Variants in FGD4 observed in about 807,000 individuals in gnomAD.
FGD4 encodes the protein FYVE, RhoGEF and PH domain containing 4, also known as FYVE, RhoGEF and PH domain-containing protein 4.
Under a neutral mutation model 102.0 loss-of-function variants are expected in FGD4, and 42 were observed. That is an observed-to-expected ratio of 0.41 (90% confidence interval 0.32 to 0.53). The LOEUF is 0.53. Ranked by LOEUF, FGD4 falls within the 20% of genes least tolerant of loss-of-function variation. The pLI is 0.21. For missense variants in FGD4, 902 were observed against 1,078.2 expected (o/e 0.84, Z 2.29); for synonymous variants, 380 against 375.7 (o/e 1.01, Z -0.13).
At chr12:32,410,352 G>A (rs1347997495) in intron 1 of FGD4, among the ~76,000 whole-genome samples, 1 of 151,908 alleles carries the variant, frequency 6.6e-6, no homozygotes, top group African/African-American at 2.4e-5. Flanking sequence ...TGCCAGTATG[G>A]CCCGTAGTCT....
At chr12:32,489,317 G>T (rs1403372911) in intron 1 of FGD4, among the ~76,000 whole-genome samples, 1 of 152,176 alleles carries the variant, frequency 6.6e-6, no homozygotes, top group Non-Finnish European at 1.5e-5. Context: ...TAGTATTAGA[G>T]CTGACAGCTG....
Position 32,611,237 on chromosome 12 carries a change from A to T in FGD4, c.1703A>T (p.Lys568Ile), listed in dbSNP as rs1415921025. The stretch of plus-strand genomic sequence containing the variant: ...CTAATAAAAGAAGGACAGATCCTCA[A>T]ACTAGCTGCTCGGAACACTTCAGCA... ...NELIKEGQILKLAARNTSAQE... is the reference protein window; with the variant it reads ...NELIKEGQILILAARNTSAQE... The change falls in exon 10 of 17, where the codon AAA becomes ATA. Residue 568 changes from lysine (K) to isoleucine (I), a missense_variant. Physicochemically the swap from Lys to Ile is moderately radical, Grantham distance 102. This residue lies in a region of FGD4 where 459 missense variants were observed against 619.0 expected (regional missense o/e 0.74). Coordinates refer to ENST00000534526, the MANE Select transcript of FGD4 (RefSeq NM_001370298.3). 1 of 1,614,110 alleles carries T rather than the reference A, an allele frequency of 6.2e-7. No homozygotes were observed. Among genetic ancestry groups the T allele is most frequent in the Non-Finnish European group, 8.5e-7 (1 of 1,180,046 alleles).
intron 10 of FGD4, among the ~76,000 whole-genome samples, chr12:32,617,908 ATATT>A (rs1267159641): frequency 1.3e-5 from 2 of 152,218 alleles, no homozygotes; most frequent in East Asian, 3.8e-4. Flanking sequence ...GAGGAAAAGG[ATATT>A]TATTGACTAG....
intron 1 of FGD4, among the ~76,000 whole-genome samples, chr12:32,452,012 A>G (rs778651216): frequency 6.6e-6 from 1 of 152,172 alleles, no homozygotes; most frequent in African/African-American, 2.4e-5. Flanking sequence ...TTTTTATTCT[A>G]TGCGCTTACC....
Position 32,500,996 on chromosome 12 carries a change from C to T in FGD4, c.167-63141C>T, listed in dbSNP as rs957401044. The stretch of plus-strand genomic sequence containing the variant: ...GGAGAGATGTGTACAAATAACTGTG[C>T]CCTGTGGTAAACACCATCAGTGTCC... On this transcript the variant is annotated intron_variant, in intron 1 of 16. Coordinates refer to ENST00000534526, the MANE Select transcript of FGD4 (RefSeq NM_001370298.3). 4.6e-5 allele frequency among the ~76,000 whole-genome samples: 7 copies of T among 152,300 alleles called. No homozygotes were observed. The East Asian group carries it at 1.2e-3, about 25-fold the overall frequency.
chr12:32,560,343 C>G (rs1255345715), intron 1 of FGD4, among the ~76,000 whole-genome samples: 2 of 152,078 alleles, frequency 1.3e-5, no homozygotes, highest in Admixed American at 6.5e-5. Flanking sequence ...CCTCAAACTC[C>G]CAGGTTTAAG....
At chr12:32,610,072 A>G (rs533633333) in intron 8 of FGD4, among the ~76,000 whole-genome samples, 1 of 152,326 alleles carries the variant, frequency 6.6e-6, no homozygotes, top group South Asian at 2.1e-4. Flanking sequence ...TCCCAAAGAA[A>G]GTAGGTTATG....
At chr12:32,458,727 T>C (rs1251978794) in intron 1 of FGD4, among the ~76,000 whole-genome samples, 3 of 152,196 alleles carry the variant, frequency 2.0e-5, no homozygotes, top group Non-Finnish European at 4.4e-5. Context: ...TAAGGTTACT[T>C]GACAAATTAG....
intron 7 of FGD4, among the ~76,000 whole-genome samples, chr12:32,606,966 G>A (rs944972923): frequency 5.3e-5 from 8 of 152,140 alleles, no homozygotes; most frequent in African/African-American, 1.7e-4. Flanking sequence ...TCTATATGGA[G>A]TCTTTTTTAA....
At chr12:32,605,269 C>T (rs919135264) in intron 7 of FGD4, among the ~76,000 whole-genome samples, 2 of 151,954 alleles carry the variant, frequency 1.3e-5, no homozygotes, top group Admixed American at 6.6e-5. Flanking sequence ...GAGGATTTGC[C>T]AGTCTCTTCA....
intron 1 of FGD4, among the ~76,000 whole-genome samples, chr12:32,533,490 A>G (rs1455953206): frequency 2.0e-5 from 3 of 152,134 alleles, no homozygotes; most frequent in Non-Finnish European, 2.9e-5. Flanking sequence ...CAGCGGCGCA[A>G]TCTCAGCTCA....
At chr12:32,515,005 C>A (rs1002204746) in intron 1 of FGD4, among the ~76,000 whole-genome samples, 5 of 152,140 alleles carry the variant, frequency 3.3e-5, no homozygotes, top group Non-Finnish European at 7.4e-5. Flanking sequence ...GCTTGAGTCA[C>A]CACTCCCAGC....
At position 32,472,320 on chromosome 12, in the gene FGD4, G is replaced by A. The variant is rs558965010; in HGVS notation, c.166+72361G>A. On this transcript the variant is annotated intron_variant, in intron 1 of 16. Transcript: ENST00000534526. ...AGGCACGAGCGGGAACCAGGGCTGC[G>A]TGTGGCGCTTGCGGGCCAGCTGGAG... Among the ~76,000 whole-genome samples, 62 of 152,350 alleles carry A rather than the reference G, an allele frequency of 4.1e-4. No individual in the cohort carries two copies. In the South Asian group the frequency reaches 5.8e-3, roughly 14 times the overall value.
At chr12:32,461,953 C>T (rs562786549) in intron 1 of FGD4, among the ~76,000 whole-genome samples, 38 of 152,222 alleles carry the variant, frequency 2.5e-4, no homozygotes, top group African/African-American at 8.9e-4. Flanking sequence ...TCTTGAACTT[C>T]TGACCTCGTG....
At chr12:32,488,997 T>A (rs1408233916) in intron 1 of FGD4, among the ~76,000 whole-genome samples, 1 of 152,226 alleles carries the variant, frequency 6.6e-6, no homozygotes, top group African/African-American at 2.4e-5. Flanking sequence ...TGATAAGTAG[T>A]GAATATATTT....
chr12:32,564,283 C>T lies in FGD4; in HGVS notation c.313C>T (p.Pro105Ser), dbSNP rs553492096. ...PAKHSAASPK[P>S]QVPPKPLHLQ... ...AAAACACTCAGCTGCAAGTCCAAAGCCACAAGGTATGCTCACTGGGAGTTT... is the reference window on the plus strand; with the variant it reads ...AAAACACTCAGCTGCAAGTCCAAAGTCACAAGGTATGCTCACTGGGAGTTT... Residue 105 changes from proline (P) to serine (S), a missense_variant, in exon 2 of 17, where the codon CCA becomes TCA. This residue lies in a region of FGD4 where 443 missense variants were observed against 459.2 expected (regional missense o/e 0.96). Coordinates refer to ENST00000534526, the MANE Select transcript of FGD4 (RefSeq NM_001370298.3). 6.5e-7 allele frequency: 1 copy of T among 1,535,784 alleles called. No homozygotes were observed. The highest frequency in any genetic ancestry group is 1.2e-5 in the South Asian group (1 of 83,998).
Position 32,640,855 on chromosome 12 carries a change from A to G in FGD4, c.*322A>G. The G allele has an allele frequency of 1.4e-5, 8 of 561,260 alleles. No individual in the cohort carries two copies. The South Asian group carries it at 1.7e-4, about 12-fold the overall frequency. The allele number at this position is 561,260 out of a possible 1,614,324, so 34.8% of individuals were successfully genotyped here. Reference sequence around the variant, plus strand: ...TAGAATGAGCACTTCCATTTAAGAAATCCTTTCATGTCTTCTTCTCTTTCA... The same window carrying G: ...TAGAATGAGCACTTCCATTTAAGAAGTCCTTTCATGTCTTCTTCTCTTTCA... On this transcript the variant is annotated 3_prime_UTR_variant, in exon 17 of 17. Coordinates refer to ENST00000534526, the MANE Select transcript of FGD4 (RefSeq NM_001370298.3).
chr12:32,621,616 A>G (rs1474622650), intron 11 of FGD4, among the ~76,000 whole-genome samples: 2 of 152,220 alleles, frequency 1.3e-5, no homozygotes, highest in African/African-American at 2.4e-5. Flanking sequence ...GTGAATTTAC[A>G]GTTTTGGAAT....
Position 32,625,050 on chromosome 12 carries a change from C to T in FGD4, c.2028C>T (p.Asp676=). 6.2e-7 allele frequency: 1 copy of T among 1,612,760 alleles called. No homozygotes were observed. Among genetic ancestry groups the T allele is most frequent in the South Asian group, 1.1e-5 (1 of 91,040 alleles). Residue 676 remains aspartate (D), a synonymous_variant, in exon 13 of 17, where the codon GAC becomes GAT. Coordinates refer to ENST00000534526, the MANE Select transcript of FGD4 (RefSeq NM_001370298.3). Reference sequence around the variant, plus strand: ...GAAATGCAATTGCAAAGGATAATGACATTCACTCAGAGGTTTCTGTGAGTT... The same window carrying T: ...GAAATGCAATTGCAAAGGATAATGATATTCACTCAGAGGTTTCTGTGAGTT... ...TFRNAIAKDN[D]IHSEVSTAEL...
Sources: allele counts gnomAD v4.1 joint callset (sites outside exome capture counted in the v4.1 genomes callset), GRCh38; gene constraint gnomAD v4.1.1; regional missense constraint gnomAD v4.1.1; transcripts MANE v1.5; gene names NCBI Gene and HGNC (gene_info 2026-07-23, HGNC 2026-07-21).